The following KCNK3 variants were observed in gnomAD, a reference collection of about 807,000 sequenced individuals.
KCNK3 encodes potassium two pore domain channel subfamily K member 3.
In KCNK3, 9 loss-of-function variants were observed where a neutral mutation model predicts 27.3. The ratio of observed to expected loss-of-function variants is 0.33; its 90% CI spans 0.20 to 0.57. The LOEUF (loss-of-function observed/expected upper bound fraction) is 0.57, where lower values mean the gene tolerates loss of function less well. Among genes scored for constraint, KCNK3 ranks in the 20% least tolerant of loss-of-function variants. The pLI is 0.87. For missense variants in KCNK3, 391 were observed against 577.7 expected (o/e 0.68, Z 3.31); for synonymous variants, 278 against 273.8 (o/e 1.02, Z -0.15).
chr2:26,728,591 C>A lies in KCNK3; in HGVS notation c.*23C>A. Reference sequence around the variant, plus strand: ...TGACTGCCCCGAGGGGCCTGGAGCACCTGGGGGCGCGGGCGGGGGACCCCT... The same window carrying A: ...TGACTGCCCCGAGGGGCCTGGAGCAACTGGGGGCGCGGGCGGGGGACCCCT... On this transcript the variant is annotated 3_prime_UTR_variant, in exon 2 of 2. Transcript: ENST00000302909. 1 of 1,411,796 alleles carries A rather than the reference C, an allele frequency of 7.1e-7. No homozygotes were observed. The highest frequency in any genetic ancestry group is 3.1e-5 in the Admixed American group (1 of 32,210). 87.5% of individuals were successfully genotyped at this position (1,411,796 alleles called of 1,614,324 possible).
chr2:26,722,651 G>C (rs191511603), intron 1 of KCNK3, among the ~76,000 whole-genome samples: 1 of 152,336 alleles, frequency 6.6e-6, no homozygotes, highest in Non-Finnish European at 1.5e-5. Flanking sequence ...CCATCTCAAA[G>C]AGTCAATTAT....
chr2:26,732,547 C>T lies in KCNK3; in HGVS notation c.*3979C>T, dbSNP rs1000659605. On this transcript the variant is annotated 3_prime_UTR_variant, in exon 2 of 2. Coordinates refer to ENST00000302909, the MANE Select transcript of KCNK3 (RefSeq NM_002246.3). ...GAGTTCAAAGGAAGAAATGATGGCA[C>T]CTGCACTCCCTGCCCCCAGAGGCAG... The T allele has an allele frequency of 1.3e-5, 2 of 152,246 alleles. No homozygotes were observed. Among genetic ancestry groups the T allele is most frequent in the African/African-American group, 4.8e-5 (2 of 41,428 alleles). The allele number at this position is 152,246 out of a possible 1,614,324, so 9.4% of individuals were successfully genotyped here.
chr2:26,711,584 T>C (rs1663109743), intron 1 of KCNK3, among the ~76,000 whole-genome samples: 1 of 152,178 alleles, frequency 6.6e-6, no homozygotes, highest in African/African-American at 2.4e-5. Flanking sequence ...GCTCTGCATT[T>C]ACTTGCTGTG....
intron 1 of KCNK3, among the ~76,000 whole-genome samples, chr2:26,705,255 G>A (rs1031235782): frequency 6.6e-6 from 1 of 152,160 alleles, no homozygotes; most frequent in African/African-American, 2.4e-5. Context: ...CACTGCATGT[G>A]GCCTGGAGAC....
At chr2:26,708,203 G>A (rs929381261) in intron 1 of KCNK3, among the ~76,000 whole-genome samples, 3 of 152,214 alleles carry the variant, frequency 2.0e-5, no homozygotes, top group Non-Finnish European at 2.9e-5. Context: ...GAAGGCAGAG[G>A]TGGGAGAACA....
chr2:26,696,772 C>T (rs564941904), intron 1 of KCNK3, among the ~76,000 whole-genome samples: 5 of 152,254 alleles, frequency 3.3e-5, no homozygotes, highest in East Asian at 3.9e-4. Context: ...GAAGGGGCTT[C>T]GGAGATCAGC....
chr2:26,728,521 A>G lies in KCNK3; in HGVS notation c.1138A>G (p.Ser380Gly). 1 of 1,491,242 alleles carries G rather than the reference A, an allele frequency of 6.7e-7. No individual in the cohort carries two copies. Among genetic ancestry groups the G allele is most frequent in the Non-Finnish European group, 8.9e-7 (1 of 1,118,626 alleles). The allele number at this position is 1,491,242 out of a possible 1,614,324, so 92.4% of individuals were successfully genotyped here. ...CAGCTCGGTGTCCACGGGTCTGCAC[A>G]GCCTGTCCACCTTCCGCGGCCTCAT... ...AISSVSTGLH[S>G]LSTFRGLMKR... is the part of the protein sequence containing the mutation. The change falls in exon 2 of 2, where the codon AGC becomes GGC. Residue 380 changes from serine to glycine, a missense_variant. By Grantham distance (56) the Ser-to-Gly change is moderately conservative. This residue lies in a region of KCNK3 where 192 missense variants were observed against 196.0 expected (regional missense o/e 0.98). Transcript: ENST00000302909.
In KCNK3 at chr2:26,706,973, C is replaced by A. The variant is rs146648238; in HGVS notation, c.283+13815C>A. ...CCAGTTGGGGCCGTCTCTGTTGCACCTGCCCTGGCCTCCCCTCCAGCCCTC... is the reference window on the plus strand; with the variant it reads ...CCAGTTGGGGCCGTCTCTGTTGCACATGCCCTGGCCTCCCCTCCAGCCCTC... On this transcript the variant is annotated intron_variant, in intron 1 of 1. Transcript: ENST00000302909. 1.6e-4 allele frequency among the ~76,000 whole-genome samples: 25 copies of A among 152,260 alleles called. No homozygotes were observed. In the East Asian group the frequency reaches 4.8e-3, roughly 29 times the overall value.
At chr2:26,720,892 C>T (rs1663316878) in intron 1 of KCNK3, among the ~76,000 whole-genome samples, 1 of 152,168 alleles carries the variant, frequency 6.6e-6, no homozygotes. Context: ...ACCCCTACCC[C>T]AGCTCCATGA....
rs1250950039 is a variant in KCNK3, at chr2:26,731,102, C to T, written c.*2534C>T. ...CCCACCCCGGGCAGCCCCCGGACTC[C>T]AAAGGTCGTGGCTGCCACAGCCTCC... On this transcript the variant is annotated 3_prime_UTR_variant, in exon 2 of 2. Coordinates refer to ENST00000302909, the MANE Select transcript of KCNK3 (RefSeq NM_002246.3). 1 of 152,406 alleles carries T rather than the reference C, an allele frequency of 6.6e-6. No homozygotes were observed. The highest frequency in any genetic ancestry group is 1.5e-5 in the Non-Finnish European group (1 of 68,212). 9.4% of individuals were successfully genotyped at this position (152,406 alleles called of 1,614,324 possible).
rs1169009672 is a variant in KCNK3, at chr2:26,727,918, T to A, written c.535T>A (p.Ser179Thr). ...STLCIGAAAF[S>T]HYEHWTFFQA... Reference sequence around the variant, plus strand: ...GCTGTGCATCGGCGCCGCCGCCTTCTCCCACTACGAGCACTGGACCTTCTT... The same window carrying A: ...GCTGTGCATCGGCGCCGCCGCCTTCACCCACTACGAGCACTGGACCTTCTT... The change falls in exon 2 of 2, where the codon TCC (serine) becomes ACC (threonine). Residue 179 changes from serine to threonine, a missense_variant. This residue lies in a region of KCNK3 where 158 missense variants were observed against 267.7 expected (regional missense o/e 0.59). Transcript: ENST00000302909. 1.1e-5 allele frequency: 18 copies of A among 1,614,198 alleles called. No individual in the cohort carries two copies. The highest frequency in any genetic ancestry group is 1.5e-5 in the Non-Finnish European group (18 of 1,180,020).
rs1276506745 is a variant in KCNK3 at position 26,729,895 on chromosome 2, A to G, written c.*1327A>G. On this transcript the variant is annotated 3_prime_UTR_variant, in exon 2 of 2. Coordinates refer to ENST00000302909, the MANE Select transcript of KCNK3 (RefSeq NM_002246.3). ...AGCCCAGCCTGCTTGTTGCTAGCCA[A>G]AGTGTTCTTTCCTTCCAGCTTGGCC... 1 of 151,986 alleles carries G rather than the reference A, an allele frequency of 6.6e-6. No homozygotes were observed. The highest frequency in any genetic ancestry group is 1.9e-4 in the East Asian group (1 of 5,182). 9.4% of individuals were successfully genotyped at this position (151,986 alleles called of 1,614,324 possible). A position where few individuals can be genotyped will look rare whatever the true frequency, so the allele number is the denominator to read the frequency against.
At chr2:26,705,921 T>C (rs905192854) in intron 1 of KCNK3, among the ~76,000 whole-genome samples, 5 of 152,098 alleles carry the variant, frequency 3.3e-5, no homozygotes, top group Admixed American at 6.5e-5. Context: ...GTAGGGAGGT[T>C]ACCCCCGTAG....
At chr2:26,709,289 T>C (rs1224853738) in intron 1 of KCNK3, among the ~76,000 whole-genome samples, 1 of 152,036 alleles carries the variant, frequency 6.6e-6, no homozygotes, top group Non-Finnish European at 1.5e-5. Flanking sequence ...ATAGAAATAA[T>C]ATTGAAAGTC....
At chr2:26,710,247 G>T (rs1033383467) in intron 1 of KCNK3, among the ~76,000 whole-genome samples, 3 of 152,186 alleles carry the variant, frequency 2.0e-5, no homozygotes, top group African/African-American at 4.8e-5. Flanking sequence ...GGGATCTTTG[G>T]GCCTAGCTGG....
At chr2:26,713,513 C>G (rs1663163016) in intron 1 of KCNK3, among the ~76,000 whole-genome samples, 1 of 152,180 alleles carries the variant, frequency 6.6e-6, no homozygotes, top group African/African-American at 2.4e-5. Flanking sequence ...GACACGGTGG[C>G]TCATGCCTGT....
intron 1 of KCNK3, among the ~76,000 whole-genome samples, chr2:26,713,158 G>A (rs1663156429): frequency 1.3e-5 from 2 of 152,176 alleles, no homozygotes; most frequent in South Asian, 4.1e-4. Context: ...TGGTGGTGAG[G>A]GCAGAAGATG....
Position 26,693,243 on chromosome 2 carries a change from C to A in KCNK3, c.283+85C>A. On this transcript the variant is annotated intron_variant, in intron 1 of 1. Transcript: ENST00000302909. This position sits in a 1 kb window ranked among gnomAD's most constrained non-coding sequence, Gnocchi z 5.5. ...GTCCGGGGCCGGCTGGGGCTGGGGGCGGGGGCTCCCCCGAGAGGGGCTGGG... is the reference window on the plus strand; with the variant it reads ...GTCCGGGGCCGGCTGGGGCTGGGGGAGGGGGCTCCCCCGAGAGGGGCTGGG... 2 of 243,216 alleles carry A rather than the reference C, an allele frequency of 8.2e-6. No individual in the cohort carries two copies. Among genetic ancestry groups the A allele is most frequent in the Non-Finnish European group, 1.5e-5 (2 of 130,648 alleles). The allele number at this position is 243,216 out of a possible 1,614,324, so 15.1% of individuals were successfully genotyped here. A position where few individuals can be genotyped will look rare whatever the true frequency, so the allele number is the denominator to read the frequency against.
At chr2:26,698,443 T>TCATTTACAAAGTGGGGATAATAAA (rs1331306893) in intron 1 of KCNK3, among the ~76,000 whole-genome samples, 1 of 152,228 alleles carries the variant, frequency 6.6e-6, no homozygotes, top group African/African-American at 2.4e-5. Flanking sequence ...GCTTGTTTTG[T>TCATTTACAAAGTGGGGATAATAAA]CATTTACAAA....
Sources: gnomAD v4.1 joint callset for allele counts (sites outside exome capture counted in the v4.1 genomes callset) on GRCh38, gnomAD v4.1.1 for gene constraint, gnomAD v4.1.1 regional missense constraint, Gnocchi (gnomAD v3.1) non-coding constraint, MANE v1.5 for transcripts, NCBI Gene and HGNC (gene_info 2026-07-23, HGNC 2026-07-21) for gene names.